The following GRM5 variants were observed in gnomAD, a reference collection of about 807,000 sequenced individuals.
GRM5 encodes metabotropic glutamate receptor 5.
GRM5 carries 19 observed loss-of-function variants against 83.1 expected under a neutral mutation model. The observed-to-expected ratio is 0.23, with a 90% confidence interval of 0.16 to 0.34. The LOEUF (loss-of-function observed/expected upper bound fraction) is 0.34, where lower values mean the gene tolerates loss of function less well. Among genes scored for constraint, GRM5 ranks in the 10% least tolerant of loss-of-function variants. The pLI, the probability that GRM5 is intolerant of heterozygous loss-of-function variation, is 1.00. For synonymous variants in GRM5, 675 were observed against 633.6 expected, an observed-to-expected ratio of 1.07 and a Z score of -0.98; for missense variants, 1,160 against 1,588.3, an observed-to-expected ratio of 0.73 and a Z score of 4.58.
intron 3 of GRM5, among the ~76,000 whole-genome samples, chr11:88,673,460 G>A (rs1462762454): frequency 6.6e-6 from 1 of 151,852 alleles, no homozygotes; most frequent in Non-Finnish European, 1.5e-5. Context: ...AAACAATCAA[G>A]TGAATGTCAC....
chr11:88,619,481 C>T (rs1293376327), intron 4 of GRM5, among the ~76,000 whole-genome samples: 1 of 152,146 alleles, frequency 6.6e-6, no homozygotes, highest in African/African-American at 2.4e-5. Context: ...TTGTGACCTT[C>T]TAATTTTGTC....
chr11:88,963,976 G>T (rs1259137683), intron 2 of GRM5, among the ~76,000 whole-genome samples: 1 of 152,148 alleles, frequency 6.6e-6, no homozygotes, highest in African/African-American at 2.4e-5. Flanking sequence ...AGGCCCACAA[G>T]AGATGAAGGA....
At chr11:88,713,947 T>G (rs778390639) in intron 3 of GRM5, among the ~76,000 whole-genome samples, 7 of 152,000 alleles carry the variant, frequency 4.6e-5, no homozygotes, top group Non-Finnish European at 1.0e-4. Flanking sequence ...TCAAGGACTA[T>G]GCAGAAACAA....
chr11:88,928,560 A>G (rs1945832441), intron 2 of GRM5, among the ~76,000 whole-genome samples: 1 of 151,528 alleles, frequency 6.6e-6, no homozygotes. Flanking sequence ...AGAACACAAA[A>G]GCATTTTAAA....
chr11:88,798,621 G>T (rs1943326660), intron 3 of GRM5, among the ~76,000 whole-genome samples: 1 of 151,860 alleles, frequency 6.6e-6, no homozygotes, highest in Non-Finnish European at 1.5e-5. Flanking sequence ...TATTGGTCTG[G>T]AAAATAAAGA....
intron 3 of GRM5, among the ~76,000 whole-genome samples, chr11:88,819,213 A>G (rs7109255): frequency 0.49 from 74,082 of 151,928 alleles, 21,347 homozygotes; most frequent in African/African-American, 0.76. Context: ...TTCTGAGCTT[A>G]TGACCTTGGC....
intron 2 of GRM5, among the ~76,000 whole-genome samples, chr11:88,861,686 T>C (rs1011534340): frequency 5.3e-5 from 8 of 151,948 alleles, no homozygotes; most frequent in Admixed American, 6.6e-5. Flanking sequence ...AGGCTGGTCT[T>C]GAACTCCTGG....
intron 3 of GRM5, among the ~76,000 whole-genome samples, chr11:88,775,434 T>A (rs1300448452): frequency 6.6e-6 from 1 of 152,306 alleles, no homozygotes; most frequent in East Asian, 1.9e-4. Context: ...TGCGTGTCTA[T>A]CTCCTTCAGT....
At chr11:88,719,028 A>ATAT (rs1941467695) in intron 3 of GRM5, among the ~76,000 whole-genome samples, 1 of 150,782 alleles carries the variant, frequency 6.6e-6, no homozygotes, top group East Asian at 1.9e-4. Flanking sequence ...CTTCCCTCTT[A>ATAT]TATTTTTCTC....
At chr11:88,889,071 G>A (rs747259301) in intron 2 of GRM5, among the ~76,000 whole-genome samples, 1 of 152,164 alleles carries the variant, frequency 6.6e-6, no homozygotes, top group African/African-American at 2.4e-5. Flanking sequence ...TAAGGGAGCT[G>A]CCAGCTGATT....
In GRM5 at chr11:88,884,582, G is replaced by A. The variant is rs184605979; in HGVS notation, c.662-34427C>T. ...TGTGAAAGGGACATGAGACTTGGGA[G>A]GGGTAAGAGGTAGAATGACACAGTT... On this transcript the variant is annotated intron_variant, in intron 2 of 9. Transcript: ENST00000305447. Among the ~76,000 whole-genome samples, 747 of 152,262 alleles carry A rather than the reference G, an allele frequency of 4.9e-3. 5 individuals carry two copies. The highest frequency in any genetic ancestry group is 0.017 in the African/African-American group (720 of 41,554).
intron 2 of GRM5, among the ~76,000 whole-genome samples, chr11:88,983,404 A>G (rs1939590608): frequency 1.3e-5 from 2 of 152,186 alleles, no homozygotes; most frequent in Non-Finnish European, 2.9e-5. Flanking sequence ...TCAACAAGAA[A>G]TCATATATGC....
intron 4 of GRM5, among the ~76,000 whole-genome samples, chr11:88,635,416 T>C (rs1294073256): frequency 4.6e-5 from 7 of 152,218 alleles, no homozygotes; most frequent in Admixed American, 4.6e-4. Flanking sequence ...ATTTCTCTAA[T>C]GGTTAGCAGT....
chr11:88,783,963 C>T (rs1943021085), intron 3 of GRM5, among the ~76,000 whole-genome samples: 1 of 152,020 alleles, frequency 6.6e-6, no homozygotes, highest in Non-Finnish European at 1.5e-5. Flanking sequence ...AATAATTCCC[C>T]ATTATCAGTG....
chr11:88,791,510 A>G (rs2135475258), intron 3 of GRM5, among the ~76,000 whole-genome samples: 1 of 152,260 alleles, frequency 6.6e-6, no homozygotes, highest in South Asian at 2.1e-4. Context: ...TAGAAAACTA[A>G]TAGATGCAAG....
intron 2 of GRM5, among the ~76,000 whole-genome samples, chr11:88,935,932 C>T (rs1376930449): frequency 1.3e-5 from 2 of 151,918 alleles, no homozygotes; most frequent in Non-Finnish European, 2.9e-5. Context: ...ACAATCCCAA[C>T]TAATCCTAGT....
At chr11:88,871,871 G>A (rs1410410825) in intron 2 of GRM5, among the ~76,000 whole-genome samples, 1 of 150,546 alleles carries the variant, frequency 6.6e-6, no homozygotes, top group Non-Finnish European at 1.5e-5. Context: ...ACAAAAAGGA[G>A]ATAATAGGTT....
At chr11:88,917,085 T>C (rs1945608473) in intron 2 of GRM5, among the ~76,000 whole-genome samples, 1 of 152,134 alleles carries the variant, frequency 6.6e-6, no homozygotes, top group African/African-American at 2.4e-5. Flanking sequence ...CCAGCAATGG[T>C]AGTCACAGGA....
intron 3 of GRM5, among the ~76,000 whole-genome samples, chr11:88,704,410 C>G (rs2135376862): frequency 6.6e-6 from 1 of 152,160 alleles, no homozygotes; most frequent in African/African-American, 2.4e-5. Context: ...CACAGAGCAT[C>G]AGTAAAAGTC....
Sources: allele counts gnomAD v4.1 joint callset (sites outside exome capture counted in the v4.1 genomes callset), GRCh38; gene constraint gnomAD v4.1.1; transcripts MANE v1.5; gene names NCBI Gene and HGNC (gene_info 2026-07-23, HGNC 2026-07-21).